Variants in BPIFA2 observed in about 807,000 individuals in gnomAD.
BPIFA2 encodes the protein BPI fold containing family A member 2.
In BPIFA2, 20 loss-of-function variants were observed where a neutral mutation model predicts 25.7. The ratio of observed to expected loss-of-function variants is 0.78; its 90% confidence interval spans 0.55 to 1.13. The LOEUF is 1.13. BPIFA2 is among the 50% of genes most tolerant of loss of function. The probability of loss-of-function intolerance (pLI) is 0.00; values close to 1 mark genes in which losing one functional copy is unlikely to be tolerated. For missense variants in BPIFA2, 300 were observed against 298.1 expected, an observed-to-expected ratio of 1.01 and a Z score of -0.05; for synonymous variants, 126 against 124.3, an observed-to-expected ratio of 1.01 and a Z score of -0.09.
In BPIFA2 at chr20:33,172,978, C is replaced by A; in HGVS notation, c.204C>A (p.Ser68=). 5 of 1,614,002 alleles carry A rather than the reference C, an allele frequency of 3.1e-6. No individual in the cohort carries two copies. The highest frequency in any genetic ancestry group is 4.2e-6 in the Non-Finnish European group (5 of 1,179,980). Residue 68 remains serine, a synonymous_variant, in exon 3 of 9, where the codon TCC becomes TCA. Transcript: ENST00000354932. ...LKVDLGVLQK[S]SAWQLAKQKA... ...TCGACCTAGGAGTGCTTCAGAAATCCAGTGCTTGGCAACTGGCCAAGCAGA... is the reference window on the plus strand; with the variant it reads ...TCGACCTAGGAGTGCTTCAGAAATCAAGTGCTTGGCAACTGGCCAAGCAGA...
chr20:33,180,491 A>G, intron 7 of BPIFA2, 29 bp from the exon 8 acceptor site: 1 of 1,606,768 alleles, frequency 6.2e-7, no homozygotes, highest in African/African-American at 1.3e-5. Flanking sequence ...GGCAGAGACT[A>G]AGGCCTGCTA....
chr20:33,167,471 C>T (rs1429719984), upstream of BPIFA2, among the ~76,000 whole-genome samples: 1 of 152,170 alleles, frequency 6.6e-6, no homozygotes, highest in African/African-American at 2.4e-5. Context: ...TGGTTCCTGT[C>T]CTTGCAAGTA....
upstream of BPIFA2, among the ~76,000 whole-genome samples, chr20:33,166,601 T>C (rs1983733229): frequency 6.6e-6 from 1 of 151,988 alleles, no homozygotes; most frequent in Admixed American, 6.6e-5. Flanking sequence ...CTGGCCCAGG[T>C]CACATGGCCA....
At chr20:33,167,084 G>A (rs73268244), upstream of BPIFA2, among the ~76,000 whole-genome samples, 74 of 152,362 alleles carry the variant, frequency 4.9e-4, no homozygotes, top group Middle Eastern at 3.4e-3. Context: ...TGCTGTAACA[G>A]TGGAGCCATG....
At chr20:33,162,887 G>A (rs1027131213) in intron 1 of BPIFA2, among the ~76,000 whole-genome samples, 8 of 152,298 alleles carry the variant, frequency 5.3e-5, no homozygotes, top group South Asian at 2.1e-4. Flanking sequence ...TGCTAACTTC[G>A]ACCCCATTCA....
At chr20:33,162,169 C>T (rs888844720) in intron 1 of BPIFA2, among the ~76,000 whole-genome samples, 9 of 152,068 alleles carry the variant, frequency 5.9e-5, no homozygotes, top group African/African-American at 1.4e-4. Flanking sequence ...TCAGTAGAGA[C>T]GGGATTTCAC....
chr20:33,162,915 C>T (rs1179324908), intron 1 of BPIFA2, among the ~76,000 whole-genome samples: 1 of 152,252 alleles, frequency 6.6e-6, no homozygotes, highest in Non-Finnish European at 1.5e-5. Flanking sequence ...AAGGAAGGAC[C>T]TTCACCAGGG....
chr20:33,169,394 T>C (rs1983828765), intron 2 of BPIFA2, 92 bp downstream of exon 2: 1 of 1,325,204 alleles, frequency 7.5e-7, no homozygotes, highest in African/African-American at 1.5e-5. Flanking sequence ...GGGGCTACTC[T>C]TTATGGGCGG....
upstream of BPIFA2, among the ~76,000 whole-genome samples, chr20:33,163,234 C>T (rs1983630276): frequency 6.6e-6 from 1 of 152,190 alleles, no homozygotes; most frequent in African/African-American, 2.4e-5. Context: ...TTCATCTATT[C>T]AGTCTGTGGA....
intron 6 of BPIFA2, among the ~76,000 whole-genome samples, chr20:33,178,786 C>A (rs1265988768): frequency 6.6e-6 from 1 of 152,108 alleles, no homozygotes; most frequent in Admixed American, 6.5e-5. Flanking sequence ...ACCCACTGAA[C>A]CGGAGTTTAG....
chr20:33,173,171 G>A (rs941270923), intron 3 of BPIFA2, 95 bp downstream of exon 3: 2 of 1,438,338 alleles, frequency 1.4e-6, no homozygotes, highest in African/African-American at 2.8e-5. Context: ...AGATGGACAA[G>A]CCTCATTCCC....
chr20:33,180,641 T>C, intron 8 of BPIFA2, 44 bp downstream of exon 8: 4 of 1,482,634 alleles, frequency 2.7e-6, no homozygotes, highest in Non-Finnish European at 3.8e-6. Flanking sequence ...GGGCCTATGG[T>C]GAAGTAAAAG....
At chr20:33,169,072 C>T (rs1983811571) in intron 1 of BPIFA2, 59 bp from the exon 2 acceptor site, 3 of 1,400,654 alleles carry the variant, frequency 2.1e-6, no homozygotes, top group Non-Finnish European at 3.0e-6. Flanking sequence ...TGGGAACTCA[C>T]TGAAGAGTCC....
intron 5 of BPIFA2, among the ~76,000 whole-genome samples, chr20:33,177,223 C>A (rs1290932243): frequency 1.3e-5 from 2 of 151,916 alleles, no homozygotes; most frequent in Non-Finnish European, 2.9e-5. Flanking sequence ...GGGGTGGTGG[C>A]GGTTTCCTGT....
At position 33,175,569 on chromosome 20, in the gene BPIFA2, A is replaced by G; in HGVS notation, c.563+10A>G. 1.5e-5 allele frequency: 24 copies of G among 1,613,494 alleles called. No individual in the cohort carries two copies. Among genetic ancestry groups the G allele is most frequent in the Non-Finnish European group, 1.9e-5 (23 of 1,179,694 alleles). On this transcript the variant is annotated intron_variant, in intron 5 of 8. Coordinates refer to ENST00000354932, the MANE Select transcript of BPIFA2 (RefSeq NM_080574.4). ...TTTCCTTGCTGGACAAGTAAGTCCC[A>G]TTCATCTTAGTAGAGCTGGGCTCTC...
At chr20:33,177,128 G>A (rs11696571) in intron 5 of BPIFA2, among the ~76,000 whole-genome samples, 12,605 of 152,196 alleles carry the variant, frequency 0.083, 660 homozygotes, top group Non-Finnish European at 0.12. Flanking sequence ...GCTGAGGTGG[G>A]TGGATCACTT....
At chr20:33,164,442 G>A (rs889608292), upstream of BPIFA2, among the ~76,000 whole-genome samples, 4 of 152,190 alleles carry the variant, frequency 2.6e-5, no homozygotes, top group Admixed American at 2.6e-4. Flanking sequence ...GGACCTCGGA[G>A]ATGCTGTGGT....
At chr20:33,175,323 C>T in intron 4 of BPIFA2, 84 bp from the exon 5 acceptor site, 3 of 1,341,426 alleles carry the variant, frequency 2.2e-6, no homozygotes, top group South Asian at 2.7e-5. Flanking sequence ...CATTCTGACT[C>T]ATGTCCACAC....
At chr20:33,179,519 G>A in intron 6 of BPIFA2, 85 bp from the exon 7 acceptor site, 1 of 1,117,902 alleles carries the variant, frequency 8.9e-7, no homozygotes, top group South Asian at 1.2e-5. Context: ...TCTGTGGGTG[G>A]CAAGCAATTT....
Sources: allele counts gnomAD v4.1 joint callset (sites outside exome capture counted in the v4.1 genomes callset), GRCh38; gene constraint gnomAD v4.1.1; transcripts MANE v1.5; gene names NCBI Gene and HGNC (gene_info 2026-07-23, HGNC 2026-07-21).